SLMAP: variants seen among roughly 807,000 people sequenced by gnomAD.
SLMAP encodes sarcolemmal membrane-associated protein.
In SLMAP, 44 loss-of-function variants were observed where a neutral mutation model predicts 128.8. The observed-to-expected ratio is 0.34, with a 90% CI of 0.27 to 0.44. The LOEUF is 0.44. Ranked by LOEUF, SLMAP falls within the 20% of genes least tolerant of loss-of-function variation. The probability of loss-of-function intolerance (pLI) is 1.00; values close to 1 mark genes in which losing one functional copy is unlikely to be tolerated. For missense variants in SLMAP, 787 were observed against 985.3 expected (o/e 0.80, Z 2.69); for synonymous variants, 327 against 348.8 (o/e 0.94, Z 0.70).
intron 2 of SLMAP, 41 bp downstream of exon 2, chr3:57,757,890 T>G: frequency 3.2e-6 from 5 of 1,582,994 alleles, no homozygotes; most frequent in Non-Finnish European, 4.3e-6. Flanking sequence ...TTTAACAAAC[T>G]TTTTTTCCCC....
intron 2 of SLMAP, among the ~76,000 whole-genome samples, chr3:57,824,244 T>G (rs1232221064): frequency 1.3e-5 from 2 of 151,848 alleles, no homozygotes; most frequent in Non-Finnish European, 2.9e-5. Flanking sequence ...AGAGAAAAAT[T>G]TGAAGAGAAA....
At chr3:57,771,483 G>A (rs2080887419) in intron 2 of SLMAP, among the ~76,000 whole-genome samples, 1 of 152,014 alleles carries the variant, frequency 6.6e-6, no homozygotes, top group Non-Finnish European at 1.5e-5. Context: ...CCCCTGCCTT[G>A]CCTTCCCAAA....
At chr3:57,846,446 C>G (rs571553468) in intron 4 of SLMAP, among the ~76,000 whole-genome samples, 3 of 152,176 alleles carry the variant, frequency 2.0e-5, no homozygotes, top group Admixed American at 6.5e-5. Context: ...GAACAAGTTT[C>G]CAAATTATAA....
At chr3:57,779,023 T>C (rs1366722248) in intron 2 of SLMAP, among the ~76,000 whole-genome samples, 5 of 152,146 alleles carry the variant, frequency 3.3e-5, no homozygotes, top group African/African-American at 1.2e-4. Flanking sequence ...TTTTTCATAA[T>C]AGCAAACATC....
chr3:57,837,036 G>A (rs2093671210), intron 3 of SLMAP, among the ~76,000 whole-genome samples: 1 of 152,224 alleles, frequency 6.6e-6, no homozygotes, highest in African/African-American at 2.4e-5. Flanking sequence ...AAAGAGCAAA[G>A]TCAATGGTGT....
intron 2 of SLMAP, among the ~76,000 whole-genome samples, chr3:57,773,313 A>G (rs995508082): frequency 6.6e-6 from 1 of 152,252 alleles, no homozygotes; most frequent in African/African-American, 2.4e-5. Context: ...CATCAGTGTC[A>G]TCAATAGGTT....
intron 13 of SLMAP, among the ~76,000 whole-genome samples, chr3:57,869,659 T>TATATATATATATATAA (rs1213782539): frequency 1.2e-4 from 14 of 115,416 alleles, no homozygotes; most frequent in South Asian, 5.4e-4. Flanking sequence ...TATATATATA[T>TATATATATATATATAA]AATATATATA....
chr3:57,869,006 T>G (rs545328550), intron 13 of SLMAP, among the ~76,000 whole-genome samples: 55 of 139,214 alleles, frequency 4.0e-4, no homozygotes, highest in Non-Finnish European at 6.4e-4. Flanking sequence ...GTATTATATA[T>G]AATATATATT....
intron 14 of SLMAP, among the ~76,000 whole-genome samples, chr3:57,875,434 A>C (rs952836305): frequency 6.6e-6 from 1 of 152,154 alleles, no homozygotes; most frequent in Non-Finnish European, 1.5e-5. Context: ...AGGATCGCTT[A>C]AACCCATGAG....
intron 2 of SLMAP, among the ~76,000 whole-genome samples, chr3:57,811,622 C>T (rs1053196328): frequency 6.6e-6 from 1 of 152,126 alleles, no homozygotes; most frequent in Non-Finnish European, 1.5e-5. Flanking sequence ...ATTGCTGGAT[C>T]ATATGGTAAT....
At chr3:57,818,429 A>G (rs1470975584) in intron 2 of SLMAP, among the ~76,000 whole-genome samples, 1 of 152,236 alleles carries the variant, frequency 6.6e-6, no homozygotes, top group Non-Finnish European at 1.5e-5. Context: ...TGCTGGGATT[A>G]CAGGCGTGAG....
At chr3:57,876,302 T>G (rs2095602458) in intron 14 of SLMAP, among the ~76,000 whole-genome samples, 1 of 152,238 alleles carries the variant, frequency 6.6e-6, no homozygotes, top group South Asian at 2.1e-4. Flanking sequence ...AATAAATGAA[T>G]TGAAACACAT....
At chr3:57,769,056 C>T (rs2080290310) in intron 2 of SLMAP, among the ~76,000 whole-genome samples, 1 of 152,082 alleles carries the variant, frequency 6.6e-6, no homozygotes, top group African/African-American at 2.4e-5. Flanking sequence ...GATATGACTG[C>T]CAAATTGGTA....
chr3:57,830,429 G>A (rs914932082), intron 2 of SLMAP, among the ~76,000 whole-genome samples: 25 of 152,164 alleles, frequency 1.6e-4, no homozygotes, highest in African/African-American at 5.5e-4. Flanking sequence ...GAAATTCAGC[G>A]AAAATGTGTT....
At chr3:57,775,865 CTTTTTGTAT>C (rs1334903779) in intron 2 of SLMAP, among the ~76,000 whole-genome samples, 3 of 152,046 alleles carry the variant, frequency 2.0e-5, no homozygotes, top group Admixed American at 6.6e-5. Flanking sequence ...CACCTGACTA[CTTTTTGTAT>C]TTTTAGTAGA....
intron 2 of SLMAP, among the ~76,000 whole-genome samples, chr3:57,774,501 T>C (rs1559935284): frequency 8.1e-6 from 1 of 124,114 alleles, no homozygotes; most frequent in Non-Finnish European, 1.7e-5. Flanking sequence ...AATTAGACTT[T>C]AATAGACAAT....
At chr3:57,894,647 GA>G (rs1488442268) in intron 15 of SLMAP, among the ~76,000 whole-genome samples, 1 of 152,158 alleles carries the variant, frequency 6.6e-6, no homozygotes, top group Non-Finnish European at 1.5e-5. Flanking sequence ...AAGACACAAA[GA>G]TACAATTAAA....
chr3:57,904,392 C>T (rs1196499512), intron 17 of SLMAP, among the ~76,000 whole-genome samples: 1 of 152,118 alleles, frequency 6.6e-6, no homozygotes, highest in Non-Finnish European at 1.5e-5. Flanking sequence ...ACACTGCGCT[C>T]CAGCCTGGCC....
In SLMAP at chr3:57,849,239, GC is replaced by G; in HGVS notation, c.457-513del. On this transcript the variant is annotated intron_variant, in intron 5 of 24. Coordinates refer to ENST00000671191, the MANE Select transcript of SLMAP (RefSeq NM_001377540.1). Reference sequence around the variant, plus strand: ...TAATGCCATGGTTCTATATTCTACAGCCTTGAAAAAACCCTTATAGAAGATA... The same window carrying G: ...TAATGCCATGGTTCTATATTCTACAGCTTGAAAAAACCCTTATAGAAGATA... Among the ~76,000 whole-genome samples, 3 of 152,054 alleles carry G rather than the reference GC, an allele frequency of 2.0e-5. No homozygotes were observed. In the East Asian group the frequency reaches 5.8e-4, roughly 29 times the overall value.
Sources: allele counts gnomAD v4.1 joint callset (sites outside exome capture counted in the v4.1 genomes callset), GRCh38; gene constraint gnomAD v4.1.1; transcripts MANE v1.5; gene names NCBI Gene and HGNC (gene_info 2026-07-23, HGNC 2026-07-21).